DOP1A: variants seen among roughly 807,000 people sequenced by gnomAD.
DOP1A encodes DOP1 leucine zipper like protein A.
In DOP1A, 90 loss-of-function variants were observed where a neutral mutation model predicts 267.6. The ratio of observed to expected loss-of-function variants is 0.34; its 90% CI spans 0.28 to 0.40. DOP1A has a LOEUF of 0.40. DOP1A is among the 10% of genes least tolerant of loss of function. The pLI is 1.00. For missense variants in DOP1A, 2,437 were observed against 2,900.4 expected (o/e 0.84, Z 3.67); for synonymous variants, 932 against 999.1 (o/e 0.93, Z 1.27).
chr6:83,117,721 ATTTG>A (rs1388159330), intron 7 of DOP1A, among the ~76,000 whole-genome samples: 2 of 152,158 alleles, frequency 1.3e-5, no homozygotes, highest in African/African-American at 2.4e-5. Flanking sequence ...GCATAGTTTT[ATTTG>A]TTATGAATAT....
chr6:83,151,391 G>T (rs1045592933), intron 27 of DOP1A, among the ~76,000 whole-genome samples: 1 of 152,118 alleles, frequency 6.6e-6, no homozygotes, highest in Non-Finnish European at 1.5e-5. Context: ...TCTTACAAAA[G>T]ATGCTTTGAG....
intron 29 of DOP1A, 89 bp downstream of exon 29, chr6:83,152,116 A>T (rs117372745): frequency 0.012 from 16,840 of 1,455,416 alleles, 137 homozygotes; most frequent in Non-Finnish European, 0.013. Flanking sequence ...AAGTACCACA[A>T]ATTTATCCCT....
In DOP1A at chr6:83,100,841, A is replaced by T; in HGVS notation, c.275A>T (p.Lys92Ile). 1 of 1,582,278 alleles carries T rather than the reference A, an allele frequency of 6.3e-7. No individual in the cohort carries two copies. Among genetic ancestry groups the T allele is most frequent in the Non-Finnish European group, 8.6e-7 (1 of 1,162,626 alleles). The change falls in exon 4 of 39, where the codon AAA (lysine) becomes ATA (isoleucine). Residue 92 changes from lysine to isoleucine, a missense_variant. By Grantham distance (102) the Lys-to-Ile change is moderately radical. Around this residue, in one of 9 missense-constraint regions of DOP1A, gnomAD observed 251 missense variants for 359.1 expected, o/e 0.70. Transcript: ENST00000349129. Reference sequence around the variant, plus strand: ...CTTGAAACATATGAAATTATCTTCAAAATAATTGGACCTAAGCGACTTGCC... The same window carrying T: ...CTTGAAACATATGAAATTATCTTCATAATAATTGGACCTAAGCGACTTGCC... ...KALETYEIIF[K>I]IIGPKRLAKD...
chr6:83,128,984 T>A lies in DOP1A; in HGVS notation c.1817T>A (p.Ile606Lys). ...RSSESGFTEF[I>K]QYQADRTDDI... Reference sequence around the variant, plus strand: ...TCAGAGAGTGGATTCACTGAGTTTATACAATATCAAGCAGACCGAACTGAT... The same window carrying A: ...TCAGAGAGTGGATTCACTGAGTTTAAACAATATCAAGCAGACCGAACTGAT... Residue 606 changes from isoleucine (I) to lysine (K), a missense_variant, in exon 16 of 39, where the codon ATA becomes AAA. Physicochemically the swap from Ile to Lys is moderately radical, Grantham distance 102 (BLOSUM62 -3). Around this residue, in one of 9 missense-constraint regions of DOP1A, gnomAD observed 498 missense variants for 513.5 expected, o/e 0.97. Coordinates refer to ENST00000349129, the MANE Select transcript of DOP1A (RefSeq NM_015018.4). 1 of 1,611,338 alleles carries A rather than the reference T, an allele frequency of 6.2e-7. No individual in the cohort carries two copies. Among genetic ancestry groups the A allele is most frequent in the Non-Finnish European group, 8.5e-7 (1 of 1,178,710 alleles).
chr6:83,155,818 G>T, intron 33 of DOP1A, 133 bp from the exon 34 acceptor site: 1 of 997,356 alleles, frequency 1.0e-6, no homozygotes, highest in Non-Finnish European at 1.4e-6. Flanking sequence ...CTGCCCCAGA[G>T]AGGGGCATCA....
At chr6:83,076,523 T>A (rs1345320996) in intron 1 of DOP1A, among the ~76,000 whole-genome samples, 3 of 151,416 alleles carry the variant, frequency 2.0e-5, no homozygotes, top group Non-Finnish European at 4.4e-5. Flanking sequence ...GAAAAAAAAA[T>A]GTTGAAGATC....
chr6:83,147,175 A>G, intron 25 of DOP1A, 61 bp from the exon 26 acceptor site: 1 of 846,324 alleles, frequency 1.2e-6, no homozygotes, highest in Non-Finnish European at 1.8e-6. Context: ...AGTAGTTGCA[A>G]CAATGAAAAA....
intron 36 of DOP1A, 127 bp downstream of exon 36, chr6:83,158,749 C>A (rs968878981): frequency 2.9e-6 from 2 of 693,444 alleles, no homozygotes; most frequent in Non-Finnish European, 4.7e-6. Context: ...TAATTGATTA[C>A]GTTTGGATAT....
chr6:83,133,888 T>A (rs1404481442), intron 18 of DOP1A, among the ~76,000 whole-genome samples: 1 of 152,074 alleles, frequency 6.6e-6, no homozygotes, highest in Non-Finnish European at 1.5e-5. Context: ...CATTAGTAAC[T>A]TTTTTCTCCT....
At position 83,145,541 on chromosome 6, in the gene DOP1A, T is replaced by C; in HGVS notation, c.5559T>C (p.Ser1853=). 4 of 1,601,884 alleles carry C rather than the reference T, an allele frequency of 2.5e-6. No homozygotes were observed. The highest frequency in any genetic ancestry group is 3.4e-6 in the Non-Finnish European group (4 of 1,173,786). The change falls in exon 25 of 39, where the codon AGT becomes AGC. Residue 1853 remains serine, a synonymous_variant. Transcript: ENST00000349129. The part of the protein sequence containing the change: ...TTRTKVIPAA[S]EEQLLLVELV... ...TTACCTAGGTCATTCCTGCAGCCAG[T>C]GAAGAACAGCTTTTATTAGTGGAAT...
In DOP1A at chr6:83,097,177, T is replaced by G. The variant is rs1257149712; in HGVS notation, c.138+62T>G. ...AATTAGAAATCTGTGTTTGTACTTG[T>G]TAGATTTCTCGAAATCTTGAAGTAA... is the stretch of plus-strand genomic sequence containing the variant. On this transcript the variant is annotated intron_variant, in intron 3 of 38. Coordinates refer to ENST00000349129, the MANE Select transcript of DOP1A (RefSeq NM_015018.4). 2.0e-6 allele frequency: 3 copies of G among 1,532,624 alleles called. No individual in the cohort carries two copies. In the African/African-American group the frequency reaches 4.2e-5, roughly 21 times the overall value. The allele number at this position is 1,532,624 out of a possible 1,614,324, so 94.9% of individuals were successfully genotyped here.
At chr6:83,145,437 A>G (rs1780490405) in intron 24 of DOP1A, 87 bp from the exon 25 acceptor site, 2 of 1,196,892 alleles carry the variant, frequency 1.7e-6, no homozygotes, top group South Asian at 1.8e-5. Flanking sequence ...ATATAAAAAA[A>G]GAAGAGATCA....
intron 16 of DOP1A, 83 bp downstream of exon 16, chr6:83,129,591 G>GT (rs906313640): frequency 6.8e-5 from 88 of 1,301,558 alleles, no homozygotes; most frequent in South Asian, 6.6e-4. Context: ...CAAAACTGGG[G>GT]TTTTTTTAGC....
intron 1 of DOP1A, among the ~76,000 whole-genome samples, chr6:83,082,364 A>G (rs1768250071): frequency 6.6e-6 from 1 of 152,238 alleles, no homozygotes; most frequent in African/African-American, 2.4e-5. Flanking sequence ...TTGCAATAAC[A>G]TGGATGAACC....
intron 33 of DOP1A, among the ~76,000 whole-genome samples, chr6:83,154,848 G>T (rs376773311): frequency 6.6e-6 from 1 of 152,016 alleles, no homozygotes; most frequent in East Asian, 1.9e-4. Flanking sequence ...CAGTAACATT[G>T]TATGATTCTG....
chr6:83,114,646 A>G (rs1223324308), intron 7 of DOP1A, among the ~76,000 whole-genome samples: 1 of 152,208 alleles, frequency 6.6e-6, no homozygotes, highest in Non-Finnish European at 1.5e-5. Context: ...TGTCTCAACA[A>G]GATCTGAGGA....
Position 83,148,699 on chromosome 6 carries a change from A to T in DOP1A, c.5733-60A>T, listed in dbSNP as rs1781013213. Reference sequence around the variant, plus strand: ...TCTATAAAAATTTAGAGAATGTTCCACAAACTAGTAGAAAACCATAGTTTA... The same window carrying T: ...TCTATAAAAATTTAGAGAATGTTCCTCAAACTAGTAGAAAACCATAGTTTA... On this transcript the variant is annotated intron_variant, in intron 26 of 38. Coordinates refer to ENST00000349129, the MANE Select transcript of DOP1A (RefSeq NM_015018.4). 6 of 1,168,764 alleles carry T rather than the reference A, an allele frequency of 5.1e-6. No homozygotes were observed. In the South Asian group the frequency reaches 9.4e-5, roughly 18 times the overall value. The allele number at this position is 1,168,764 out of a possible 1,614,324, so 72.4% of individuals were successfully genotyped here. A position where few individuals can be genotyped will look rare whatever the true frequency, so the allele number is the denominator to read the frequency against.
chr6:83,163,703 TCA>T (rs1311833416), intron 38 of DOP1A, among the ~76,000 whole-genome samples: 1 of 152,138 alleles, frequency 6.6e-6, no homozygotes, highest in African/African-American at 2.4e-5. Flanking sequence ...TTTTTGTAGT[TCA>T]CAGTGATGAT....
intron 36 of DOP1A, among the ~76,000 whole-genome samples, chr6:83,158,880 GC>G (rs1411211769): frequency 1.3e-5 from 2 of 152,170 alleles, no homozygotes; most frequent in African/African-American, 4.8e-5. Context: ...AGCTACATGA[GC>G]TAGGCTGGTT....
Sources: gnomAD v4.1 joint callset for allele counts (sites outside exome capture counted in the v4.1 genomes callset) on GRCh38, gnomAD v4.1.1 for gene constraint, gnomAD v4.1.1 regional missense constraint, MANE v1.5 for transcripts, NCBI Gene and HGNC (gene_info 2026-07-23, HGNC 2026-07-21) for gene names.